CTNNA3: variants seen among roughly 807,000 people sequenced by gnomAD.
CTNNA3 encodes the protein catenin alpha 3.
In CTNNA3, 76 loss-of-function variants were observed where a neutral mutation model predicts 95.7. That is an observed-to-expected ratio of 0.79 (90% CI 0.66 to 0.96). The LOEUF (loss-of-function observed/expected upper bound fraction) is 0.96. Ranked by LOEUF, CTNNA3 falls within the 40% of genes least tolerant of loss-of-function variation. The pLI, the probability that CTNNA3 is intolerant of heterozygous loss-of-function variation, is 0.00. For synonymous variants in CTNNA3, 431 were observed against 374.4 expected, an observed-to-expected ratio of 1.15 and a Z score of -1.74; for missense variants, 1,191 against 1,089.8, an observed-to-expected ratio of 1.09 and a Z score of -1.31.
rs373531823 is a variant in CTNNA3, at chr10:66,343,999, G to T, written c.1732+35153C>A. Among the ~76,000 whole-genome samples the T allele has an allele frequency of 1.2e-3, 180 of 151,780 alleles. 4 individuals carry two copies. The South Asian group carries it at 0.036, about 30-fold the overall frequency. On this transcript the variant is annotated intron_variant, in intron 12 of 17. Transcript: ENST00000433211. Reference sequence around the variant, plus strand: ...CTGAGCACTTTGGGAGGGTGAGACTGGCAGATCACCTGAGGTCAGGAGTTC... The same window carrying T: ...CTGAGCACTTTGGGAGGGTGAGACTTGCAGATCACCTGAGGTCAGGAGTTC...
intron 16 of CTNNA3, among the ~76,000 whole-genome samples, chr10:65,971,356 G>C (rs1036974169): frequency 1.4e-5 from 2 of 138,424 alleles, no homozygotes; most frequent in Non-Finnish European, 3.1e-5. Flanking sequence ...TTCATAGGAA[G>C]AATCAATGAA....
At chr10:67,315,968 T>A (rs1256365786) in intron 5 of CTNNA3, among the ~76,000 whole-genome samples, 1 of 152,122 alleles carries the variant, frequency 6.6e-6, no homozygotes, top group Admixed American at 6.5e-5. Flanking sequence ...TGACTCCTAA[T>A]AAATAGTCGT....
At position 65,912,575 on chromosome 10, in the gene CTNNA3, G is replaced by A. The variant is rs140847161; in HGVS notation, c.*7755C>T. The A allele has an allele frequency of 6.6e-6, 1 of 151,932 alleles. No homozygotes were observed. Among genetic ancestry groups the A allele is most frequent in the Admixed American group, 6.6e-5 (1 of 15,236 alleles). The allele number at this position is 151,932 out of a possible 1,614,324, so 9.4% of individuals were successfully genotyped here. ...GCTTTAACACACATTTTAATTTTCA[G>A]TTGAACAAATTCTTAATGAGCTACA... On this transcript the variant is annotated 3_prime_UTR_variant, in exon 18 of 18. Transcript: ENST00000433211.
intron 17 of CTNNA3, among the ~76,000 whole-genome samples, chr10:65,945,604 A>G (rs1169746275): frequency 1.1e-4 from 16 of 152,174 alleles, no homozygotes; most frequent in Non-Finnish European, 1.5e-5. Context: ...ACCCAAAAGC[A>G]CTATTGCTGA....
At chr10:67,627,556 G>T (rs1838999740) in intron 2 of CTNNA3, among the ~76,000 whole-genome samples, 1 of 152,128 alleles carries the variant, frequency 6.6e-6, no homozygotes, top group Non-Finnish European at 1.5e-5. Flanking sequence ...TTAAGGACAT[G>T]TTATGTTAAG....
At chr10:67,491,315 C>T (rs1324419854) in intron 5 of CTNNA3, among the ~76,000 whole-genome samples, 2 of 152,186 alleles carry the variant, frequency 1.3e-5, no homozygotes, top group Non-Finnish European at 2.9e-5. Flanking sequence ...GTCCCTGGCA[C>T]TGTCCTAGTT....
At chr10:66,165,722 C>T (rs1237240734) in intron 13 of CTNNA3, among the ~76,000 whole-genome samples, 6 of 151,876 alleles carry the variant, frequency 4.0e-5, no homozygotes, top group African/African-American at 1.4e-4. Context: ...CATGTGTCAT[C>T]ATTTTGTATA....
At chr10:65,982,135 C>T (rs2078332378) in intron 16 of CTNNA3, among the ~76,000 whole-genome samples, 1 of 151,082 alleles carries the variant, frequency 6.6e-6, no homozygotes, top group Non-Finnish European at 1.5e-5. Flanking sequence ...CTCCAAATAA[C>T]TCAAACAAAT....
At chr10:66,996,649 C>CGAAAAAAAAAAAAA (rs71468809) in intron 7 of CTNNA3, among the ~76,000 whole-genome samples, 1 of 67,644 alleles carries the variant, frequency 1.5e-5, no homozygotes, top group Non-Finnish European at 2.5e-5. Context: ...TCCGTCTCTA[C>CGAAAAAAAAAAAAA]AAAAAAAAAA....
chr10:66,714,209 T>A (rs578136739), intron 9 of CTNNA3, among the ~76,000 whole-genome samples: 10 of 152,286 alleles, frequency 6.6e-5, no homozygotes, highest in African/African-American at 2.2e-4. Flanking sequence ...ATTCTGTAAG[T>A]AAATAACTTT....
chr10:66,309,416 GGT>G (rs2091976041), intron 12 of CTNNA3, among the ~76,000 whole-genome samples: 1 of 151,994 alleles, frequency 6.6e-6, no homozygotes, highest in Admixed American at 6.6e-5. Context: ...TTCCGGGCCG[GGT>G]GCAGTGGCTC....
intron 9 of CTNNA3, among the ~76,000 whole-genome samples, chr10:66,726,268 T>A (rs573973741): frequency 5.3e-5 from 8 of 152,182 alleles, no homozygotes; most frequent in African/African-American, 1.9e-4. Context: ...AAGAATTTCA[T>A]GGGTTCCTTT....
intron 7 of CTNNA3, among the ~76,000 whole-genome samples, chr10:67,145,435 AG>A (rs1261180593): frequency 1.8e-5 from 2 of 111,140 alleles, no homozygotes; most frequent in East Asian, 2.6e-4. Context: ...AAATTTTTTT[AG>A]TTTTTTTTTT....
intron 5 of CTNNA3, among the ~76,000 whole-genome samples, chr10:67,271,900 T>A (rs1164685918): frequency 1.3e-5 from 2 of 152,160 alleles, no homozygotes; most frequent in African/African-American, 4.8e-5. Context: ...GCTTACTAGT[T>A]CACAGCATAA....
rs542896748 is a variant in CTNNA3 at position 67,093,695 on chromosome 10, TCA to T, written c.1047+86620_1047+86621del. ...CCCCCCCAACAAAAGATTGCTGAAT[TCA>T]CAGTCGTTGCCCAAACCTCTGCATC... On this transcript the variant is annotated intron_variant, in intron 7 of 17. Coordinates refer to ENST00000433211, the MANE Select transcript of CTNNA3 (RefSeq NM_013266.4). Among the ~76,000 whole-genome samples the T allele has an allele frequency of 1.9e-4, 29 of 152,044 alleles. No homozygotes were observed. In the South Asian group the frequency reaches 6.0e-3, roughly 32 times the overall value.
At chr10:66,614,055 A>G (rs551730261) in intron 10 of CTNNA3, among the ~76,000 whole-genome samples, 1 of 152,242 alleles carries the variant, frequency 6.6e-6, no homozygotes, top group African/African-American at 2.4e-5. Context: ...TTTTAAAGAG[A>G]TAGTCTAATG....
intron 9 of CTNNA3, among the ~76,000 whole-genome samples, chr10:66,662,279 C>T (rs1846290170): frequency 6.6e-6 from 1 of 152,136 alleles, no homozygotes; most frequent in Non-Finnish European, 1.5e-5. Flanking sequence ...TTAAGACATA[C>T]ATTCTTGCAA....
chr10:67,661,674 A>T (rs571334097), intron 1 of CTNNA3, among the ~76,000 whole-genome samples: 139 of 152,308 alleles, frequency 9.1e-4, no homozygotes, highest in Middle Eastern at 6.8e-3. Flanking sequence ...GAACCCTTAG[A>T]ACTCAATAAT....
chr10:66,034,063 T>C (rs373590989), intron 15 of CTNNA3, among the ~76,000 whole-genome samples: 1 of 70,180 alleles, frequency 1.4e-5, no homozygotes, highest in Non-Finnish European at 3.1e-5. Flanking sequence ...AAGAAAAGAA[T>C]TTAGAACAGG....
Sources: allele counts gnomAD v4.1 joint callset (sites outside exome capture counted in the v4.1 genomes callset), GRCh38; gene constraint gnomAD v4.1.1; transcripts MANE v1.5; gene names NCBI Gene and HGNC (gene_info 2026-07-23, HGNC 2026-07-21).